KCTD16: variants seen among roughly 807,000 people sequenced by gnomAD.
KCTD16 encodes the protein BTB/POZ domain-containing protein KCTD16.
Under a neutral mutation model 33.2 loss-of-function variants are expected in KCTD16, and 13 were observed. That is an observed-to-expected ratio of 0.39 (90% confidence interval 0.25 to 0.62). The LOEUF (loss-of-function observed/expected upper bound fraction) is 0.62. Among genes scored for constraint, KCTD16 ranks in the 20% least tolerant of loss-of-function variants. The pLI, the probability that KCTD16 is intolerant of heterozygous loss-of-function variation, is 0.50. For synonymous variants in KCTD16, 197 were observed against 195.3 expected (o/e 1.01, Z -0.07); for missense variants, 441 against 525.1 (o/e 0.84, Z 1.57).
intron 3 of KCTD16, among the ~76,000 whole-genome samples, chr5:144,290,071 A>C (rs575857134): frequency 2.0e-5 from 3 of 152,210 alleles, no homozygotes; most frequent in African/African-American, 4.8e-5. Flanking sequence ...ATTTGAGTTC[A>C]GGAGTTCGAG....
At chr5:144,307,307 A>G (rs1217881477) in intron 3 of KCTD16, among the ~76,000 whole-genome samples, 2 of 152,224 alleles carry the variant, frequency 1.3e-5, no homozygotes, top group Admixed American at 6.5e-5. Context: ...TTGTAACTCC[A>G]TTAGAGCAGT....
intron 3 of KCTD16, among the ~76,000 whole-genome samples, chr5:144,345,494 A>G (rs1007840642): frequency 3.3e-5 from 5 of 152,094 alleles, no homozygotes; most frequent in African/African-American, 1.2e-4. Flanking sequence ...CAACCACATT[A>G]TTTATCTTTT....
At chr5:144,294,617 T>C (rs1755987067) in intron 3 of KCTD16, among the ~76,000 whole-genome samples, 1 of 152,216 alleles carries the variant, frequency 6.6e-6, no homozygotes, top group Non-Finnish European at 1.5e-5. Context: ...CCTCATTCCT[T>C]CCATGTAGTG....
intron 3 of KCTD16, among the ~76,000 whole-genome samples, chr5:144,438,840 T>C (rs1404246321): frequency 6.6e-6 from 1 of 152,182 alleles, no homozygotes; most frequent in Non-Finnish European, 1.5e-5. Flanking sequence ...AGAAAGGATG[T>C]ACTTATCCTG....
intron 3 of KCTD16, among the ~76,000 whole-genome samples, chr5:144,356,152 C>T (rs1751566303): frequency 1.3e-5 from 2 of 152,248 alleles, no homozygotes; most frequent in African/African-American, 2.4e-5. Flanking sequence ...GAAGCTACGA[C>T]GGTCTCACTC....
intron 3 of KCTD16, among the ~76,000 whole-genome samples, chr5:144,293,824 C>T (rs1463760937): frequency 1.3e-5 from 2 of 152,180 alleles, no homozygotes; most frequent in Non-Finnish European, 2.9e-5. Flanking sequence ...AGAAAATTAT[C>T]TAGTATTTTA....
chr5:144,328,646 G>A (rs1329227885), intron 3 of KCTD16, among the ~76,000 whole-genome samples: 1 of 151,812 alleles, frequency 6.6e-6, no homozygotes, highest in African/African-American at 2.4e-5. Context: ...GGCTCCTAAG[G>A]ACCTCTAGAC....
At chr5:144,445,646 T>C (rs1435375815) in intron 3 of KCTD16, among the ~76,000 whole-genome samples, 10 of 152,160 alleles carry the variant, frequency 6.6e-5, no homozygotes, top group Admixed American at 5.9e-4. Context: ...GAACTTCCCC[T>C]TCTGTTATTT....
chr5:144,290,058 A>T (rs1400992278), intron 3 of KCTD16, among the ~76,000 whole-genome samples: 2 of 152,180 alleles, frequency 1.3e-5, no homozygotes, highest in African/African-American at 4.8e-5. Context: ...AGGCGAGTGA[A>T]TCATTTGAGT....
intron 3 of KCTD16, among the ~76,000 whole-genome samples, chr5:144,443,164 C>T (rs936972932): frequency 5.9e-5 from 9 of 152,074 alleles, no homozygotes; most frequent in African/African-American, 1.9e-4. Context: ...TGGAACCTGA[C>T]ACTAGGATCT....
chr5:144,438,391 T>C (rs1200061970), intron 3 of KCTD16, among the ~76,000 whole-genome samples: 1 of 152,214 alleles, frequency 6.6e-6, no homozygotes, highest in Non-Finnish European at 1.5e-5. Context: ...AGAAACTAAA[T>C]CAATGTCATT....
intron 3 of KCTD16, among the ~76,000 whole-genome samples, chr5:144,225,041 G>T (rs527829479): frequency 1.3e-5 from 2 of 152,214 alleles, no homozygotes; most frequent in South Asian, 4.2e-4. Flanking sequence ...AACCCCAATT[G>T]CCCTGACCCG....
chr5:144,428,916 C>G (rs1481707348), intron 3 of KCTD16, among the ~76,000 whole-genome samples: 1 of 152,146 alleles, frequency 6.6e-6, no homozygotes, highest in Non-Finnish European at 1.5e-5. Context: ...CTTCTTTTCT[C>G]CAACTTTTGT....
At chr5:144,354,324 A>G (rs552374593) in intron 3 of KCTD16, among the ~76,000 whole-genome samples, 14 of 152,254 alleles carry the variant, frequency 9.2e-5, no homozygotes, top group Non-Finnish European at 1.6e-4. Context: ...ATATTGTTCA[A>G]TAGGTATTTT....
chr5:144,377,149 G>A (rs1441777698), intron 3 of KCTD16, among the ~76,000 whole-genome samples: 1 of 152,166 alleles, frequency 6.6e-6, no homozygotes, highest in African/African-American at 2.4e-5. Flanking sequence ...CCTTCATGGA[G>A]CCCTTCTCTG....
At chr5:144,222,697 C>T (rs1753798567) in intron 3 of KCTD16, among the ~76,000 whole-genome samples, 1 of 152,148 alleles carries the variant, frequency 6.6e-6, no homozygotes, top group Admixed American at 6.5e-5. Flanking sequence ...GTTGGTGGGA[C>T]TGTAAACTAG....
At chr5:144,215,782 C>T (rs1236620120) in intron 3 of KCTD16, among the ~76,000 whole-genome samples, 1 of 152,178 alleles carries the variant, frequency 6.6e-6, no homozygotes, top group Non-Finnish European at 1.5e-5. Context: ...ATAAGTGCTT[C>T]CTTTAAATAA....
chr5:144,465,779 C>CTTTTTTTTTTTTTT (rs780109122), intron 3 of KCTD16, among the ~76,000 whole-genome samples: 1 of 129,878 alleles, frequency 7.7e-6, no homozygotes, highest in Non-Finnish European at 1.6e-5. Context: ...CCAAATTTAA[C>CTTTTTTTTTTTTTT]TTTTTTGTTT....
At chr5:144,211,914 C>T (rs970949174) in intron 3 of KCTD16, among the ~76,000 whole-genome samples, 6 of 152,234 alleles carry the variant, frequency 3.9e-5, no homozygotes, top group Admixed American at 1.3e-4. Context: ...AGTTCTTTCT[C>T]CCATGCCATA....
Sources: allele counts gnomAD v4.1 joint callset (sites outside exome capture counted in the v4.1 genomes callset), GRCh38; gene constraint gnomAD v4.1.1; transcripts MANE v1.5; gene names NCBI Gene and HGNC (gene_info 2026-07-23, HGNC 2026-07-21).